The following CTNND2 variants were observed in gnomAD, a reference collection of about 807,000 sequenced individuals.
CTNND2 encodes the protein catenin delta-2.
A neutral mutation model predicts 144.4 loss-of-function variants in CTNND2; 22 were observed. The observed-to-expected ratio is 0.15, with a 90% CI of 0.11 to 0.22. CTNND2 has a LOEUF of 0.22. Among genes scored for constraint, CTNND2 ranks in the 10% least tolerant of loss-of-function variants. The pLI is 1.00. For synonymous variants in CTNND2, 751 were observed against 695.6 expected (o/e 1.08, Z -1.25); for missense variants, 1,353 against 1,618.8 (o/e 0.84, Z 2.82).
At chr5:11,121,195 T>A (rs1239118785) in intron 12 of CTNND2, among the ~76,000 whole-genome samples, 1 of 152,210 alleles carries the variant, frequency 6.6e-6, no homozygotes, top group Non-Finnish European at 1.5e-5. Flanking sequence ...TAACAAGATG[T>A]TTCACTGTTT....
intron 3 of CTNND2, among the ~76,000 whole-genome samples, chr5:11,454,149 C>T (rs920330006): frequency 2.0e-5 from 3 of 152,196 alleles, no homozygotes; most frequent in Non-Finnish European, 4.4e-5. Flanking sequence ...AGGGCCAACG[C>T]GGTGGCTCAC....
At chr5:11,863,074 G>A (rs532880365) in intron 1 of CTNND2, among the ~76,000 whole-genome samples, 75 of 152,180 alleles carry the variant, frequency 4.9e-4, no homozygotes, top group Non-Finnish European at 9.1e-4. Context: ...CTATTTTCTC[G>A]TATTTCATTT....
chr5:11,022,713 G>T, intron 17 of CTNND2, 56 bp downstream of exon 17: 2 of 1,343,870 alleles, frequency 1.5e-6, no homozygotes, highest in Non-Finnish European at 2.1e-6. Context: ...GAGTTGAAAG[G>T]CACATTCAGA....
intron 12 of CTNND2, among the ~76,000 whole-genome samples, chr5:11,145,982 T>C (rs1757205988): frequency 6.6e-6 from 1 of 152,148 alleles, no homozygotes; most frequent in Admixed American, 6.5e-5. Context: ...ACTCTCCTTC[T>C]TCCCCCGGAC....
At chr5:11,368,031 G>A (rs537408676) in intron 7 of CTNND2, among the ~76,000 whole-genome samples, 1 of 152,276 alleles carries the variant, frequency 6.6e-6, no homozygotes, top group Non-Finnish European at 1.5e-5. Context: ...AGAGAGCTCA[G>A]GCACTGGCAA....
chr5:11,098,233 T>C (rs1217871737), intron 15 of CTNND2, among the ~76,000 whole-genome samples: 1 of 152,192 alleles, frequency 6.6e-6, no homozygotes, highest in Non-Finnish European at 1.5e-5. Context: ...TCTTACCAGT[T>C]AATGATAGTG....
At chr5:11,422,423 G>A (rs977881234) in intron 3 of CTNND2, among the ~76,000 whole-genome samples, 1 of 152,106 alleles carries the variant, frequency 6.6e-6, no homozygotes, top group Non-Finnish European at 1.5e-5. Context: ...GAACTAAATT[G>A]CCGCTATTAA....
Position 11,903,455 on chromosome 5 carries a change from T to A in CTNND2, c.37+362A>T. On this transcript the variant is annotated intron_variant, in intron 1 of 21. Transcript: ENST00000304623. This position sits in a 1 kb window ranked among gnomAD's most constrained non-coding sequence, Gnocchi z 5.4. ...CCCCCACCCCGTCTCCTCCCGTATA[T>A]TAGGGACGTCATGAATGCACCGAGT... The A allele has an allele frequency of 1.2e-6, 1 of 843,636 alleles. No homozygotes were observed. The allele number at this position is 843,636 out of a possible 1,614,324, so 52.3% of individuals were successfully genotyped here.
chr5:11,334,779 C>A (rs1753570233), intron 9 of CTNND2, among the ~76,000 whole-genome samples: 1 of 152,172 alleles, frequency 6.6e-6, no homozygotes, highest in African/African-American at 2.4e-5. Flanking sequence ...AAACACATTC[C>A]AAACTCCTTC....
intron 2 of CTNND2, among the ~76,000 whole-genome samples, chr5:11,614,950 T>C (rs1780511400): frequency 6.6e-6 from 1 of 152,138 alleles, no homozygotes; most frequent in Admixed American, 6.5e-5. Context: ...GCAATTAAAA[T>C]GGGCAATGAT....
intron 18 of CTNND2, among the ~76,000 whole-genome samples, chr5:11,016,555 C>A (rs10037425): frequency 0.058 from 8,855 of 152,248 alleles, 334 homozygotes; most frequent in East Asian, 0.1. Context: ...TGGCCGGTGA[C>A]CTGGGGGATG....
intron 11 of CTNND2, among the ~76,000 whole-genome samples, chr5:11,181,470 T>G (rs1760988472): frequency 6.6e-6 from 1 of 152,112 alleles, no homozygotes; most frequent in Admixed American, 6.5e-5. Flanking sequence ...CGGGGAGCCA[T>G]GGTGACCAGC....
chr5:11,074,571 G>A (rs1748709910), intron 16 of CTNND2, among the ~76,000 whole-genome samples: 1 of 152,186 alleles, frequency 6.6e-6, no homozygotes, highest in Admixed American at 6.5e-5. Flanking sequence ...TCCATGAAGA[G>A]CAGTATTTCC....
chr5:11,754,143 T>C (rs1014848734), intron 1 of CTNND2, among the ~76,000 whole-genome samples: 1 of 151,664 alleles, frequency 6.6e-6, no homozygotes, highest in Non-Finnish European at 1.5e-5. Flanking sequence ...TTGTTGATCC[T>C]TTGTGTAACA....
chr5:11,265,698 A>ATTTTTTTTT (rs5865929), intron 9 of CTNND2, among the ~76,000 whole-genome samples: 7 of 77,414 alleles, frequency 9.0e-5, no homozygotes, highest in East Asian at 3.9e-4. Context: ...TGTATTCTCT[A>ATTTTTTTTT]TTTTTTTTTT....
chr5:11,688,462 C>T (rs140986836), intron 2 of CTNND2, among the ~76,000 whole-genome samples: 3 of 152,282 alleles, frequency 2.0e-5, no homozygotes, highest in East Asian at 1.9e-4. Context: ...TAAGCATATG[C>T]CTTCCGCTGA....
intron 9 of CTNND2, among the ~76,000 whole-genome samples, chr5:11,263,567 T>C (rs578153467): frequency 6.6e-6 from 1 of 151,976 alleles, no homozygotes; most frequent in South Asian, 2.1e-4. Context: ...AGGAAAAGAA[T>C]GAATAAGAAA....
chr5:11,719,760 A>T (rs1786554066), intron 2 of CTNND2, among the ~76,000 whole-genome samples: 1 of 151,756 alleles, frequency 6.6e-6, no homozygotes, highest in Non-Finnish European at 1.5e-5. Context: ...ATTCATTCAG[A>T]TTCTCCTTGC....
intron 6 of CTNND2, among the ~76,000 whole-genome samples, chr5:11,394,680 G>C (rs1362327612): frequency 6.6e-6 from 1 of 152,186 alleles, no homozygotes; most frequent in Non-Finnish European, 1.5e-5. Flanking sequence ...TACAGTTTGA[G>C]TTTTGGGCTG....
Sources: gnomAD v4.1 joint callset for allele counts (sites outside exome capture counted in the v4.1 genomes callset) on GRCh38, gnomAD v4.1.1 for gene constraint, Gnocchi (gnomAD v3.1) non-coding constraint, MANE v1.5 for transcripts, NCBI Gene and HGNC (gene_info 2026-07-23, HGNC 2026-07-21) for gene names.